SNN: variants seen among roughly 807,000 people sequenced by gnomAD.
The protein encoded by SNN is stannin.
A neutral mutation model predicts 5.3 loss-of-function variants in SNN; 5 were observed. The ratio of observed to expected loss-of-function variants is 0.94; its 90% confidence interval spans 0.49 to 1.97. The LOEUF is 1.97. Among genes scored for constraint, SNN ranks in the 30% most tolerant of loss-of-function variants. The probability of loss-of-function intolerance (pLI) is 0.01; values close to 1 mark genes in which losing one functional copy is unlikely to be tolerated. For missense variants in SNN, 127 were observed against 121.6 expected, an observed-to-expected ratio of 1.04 and a Z score of -0.21; for synonymous variants, 67 against 52.1, an observed-to-expected ratio of 1.29 and a Z score of -1.24.
At chr16:11,675,657 G>A (rs150539810) in intron 1 of SNN, among the ~76,000 whole-genome samples, 1 of 152,310 alleles carries the variant, frequency 6.6e-6, no homozygotes, top group African/African-American at 2.4e-5. Flanking sequence ...AGTTGGGGCT[G>A]GGCTTCCCGA....
chr16:11,675,496 G>T (rs2050295418), intron 1 of SNN, among the ~76,000 whole-genome samples: 1 of 152,024 alleles, frequency 6.6e-6, no homozygotes, highest in Non-Finnish European at 1.5e-5. Context: ...CAAACTCCTG[G>T]GCTCAAGTGA....
At chr16:11,674,415 C>T (rs2050285508) in intron 1 of SNN, among the ~76,000 whole-genome samples, 2 of 152,248 alleles carry the variant, frequency 1.3e-5, no homozygotes, top group Admixed American at 6.5e-5. Context: ...AAGCCCTGGC[C>T]TCAGCATGCT....
At chr16:11,670,234 C>T (rs1386379058) in intron 1 of SNN, among the ~76,000 whole-genome samples, 2 of 151,350 alleles carry the variant, frequency 1.3e-5, no homozygotes, top group Non-Finnish European at 2.9e-5. Flanking sequence ...GGAGGCAGTA[C>T]TGAAAGCCCC....
intron 1 of SNN, among the ~76,000 whole-genome samples, chr16:11,670,752 A>G (rs7189287): frequency 0.57 from 86,879 of 151,598 alleles, 25,540 homozygotes; most frequent in African/African-American, 0.69. Context: ...AGCCTGCTCT[A>G]CTGCGGTCTG....
intron 1 of SNN, among the ~76,000 whole-genome samples, chr16:11,673,864 G>A (rs1455341858): frequency 6.6e-6 from 1 of 152,226 alleles, no homozygotes; most frequent in East Asian, 1.9e-4. Context: ...CCCTGAGGGT[G>A]GGCAGGGAGA....
In SNN at chr16:11,677,139, G is replaced by C. The variant is rs8191333; in HGVS notation, c.*813G>C. ...TTCTTGCCGCTTGGGTCTTCAGCAC[G>C]CCAAGCCCCCCACCAACCCTCCACC... On this transcript the variant is annotated 3_prime_UTR_variant, in exon 2 of 2. Transcript: ENST00000329565. The surrounding 1 kb of genome is among the most constrained non-coding windows in gnomAD (Gnocchi z 4.2). The C allele has an allele frequency of 6.0e-6, 1 of 167,114 alleles. No homozygotes were observed. Among genetic ancestry groups the C allele is most frequent in the Non-Finnish European group, 1.5e-5 (1 of 68,170 alleles). 10.4% of individuals were successfully genotyped at this position (167,114 alleles called of 1,614,324 possible).
rs1193466791 is a variant in SNN, at chr16:11,672,716, A to T, written c.-85-3259A>T. 1.3e-5 allele frequency among the ~76,000 whole-genome samples: 2 copies of T among 152,102 alleles called. No individual in the cohort carries two copies. The highest frequency in any genetic ancestry group is 1.3e-4 in the Admixed American group (2 of 15,282). On this transcript the variant is annotated intron_variant, in intron 1 of 1. Coordinates refer to ENST00000329565, the MANE Select transcript of SNN (RefSeq NM_003498.6). This position sits in a 1 kb window ranked among gnomAD's most constrained non-coding sequence, Gnocchi z 6.0. The stretch of plus-strand genomic sequence containing the variant: ...TGCTCGCGGCGGGGCAGAACCCCAC[A>T]TCTGGCTCTGCCCATGCCTCCTGGC...
At chr16:11,670,348 G>A (rs1207759614) in intron 1 of SNN, among the ~76,000 whole-genome samples, 2 of 152,200 alleles carry the variant, frequency 1.3e-5, no homozygotes. Context: ...CTGGTGGTGA[G>A]CCCGGCAATG....
Position 11,679,069 on chromosome 16 carries a change from G to A in SNN, c.*2743G>A. 5 of 1,024,996 alleles carry A rather than the reference G, an allele frequency of 4.9e-6. No homozygotes were observed. The highest frequency in any genetic ancestry group is 7.0e-6 in the Non-Finnish European group (5 of 710,040). The allele number at this position is 1,024,996 out of a possible 1,614,324, so 63.5% of individuals were successfully genotyped here. A position where few individuals can be genotyped will look rare whatever the true frequency, so the allele number is the denominator to read the frequency against. On this transcript the variant is annotated 3_prime_UTR_variant, in exon 2 of 2. Coordinates refer to ENST00000329565, the MANE Select transcript of SNN (RefSeq NM_003498.6). This position sits in a 1 kb window ranked among gnomAD's most constrained non-coding sequence, Gnocchi z 4.6. The stretch of plus-strand genomic sequence containing the variant: ...CATCCTTCTTCAATAAATGCTGAAT[G>A]ACATTCAAGCTGATTTTCTAGACCA...
Position 11,676,361 on chromosome 16 carries a change from C to A in SNN, c.*35C>A. The A allele has an allele frequency of 6.3e-7, 1 of 1,596,584 alleles. No homozygotes were observed. The highest frequency in any genetic ancestry group is 8.6e-7 in the Non-Finnish European group (1 of 1,168,014). On this transcript the variant is annotated 3_prime_UTR_variant, in exon 2 of 2. Transcript: ENST00000329565. The stretch of plus-strand genomic sequence containing the variant: ...CAAGGCTCCTGGTCCTGTTTGCAGC[C>A]GGCCAAGAGGCGCTGGGAGGGGCAA...
In SNN at chr16:11,676,372, C is replaced by T. The variant is rs756412797; in HGVS notation, c.*46C>T. ...GTCCTGTTTGCAGCCGGCCAAGAGG[C>T]GCTGGGAGGGGCAAAACCATACGGA... On this transcript the variant is annotated 3_prime_UTR_variant, in exon 2 of 2. Transcript: ENST00000329565. 2.5e-6 allele frequency: 4 copies of T among 1,584,476 alleles called. No homozygotes were observed. The highest frequency in any genetic ancestry group is 1.1e-5 in the South Asian group (1 of 88,170).
At position 11,676,682 on chromosome 16, in the gene SNN, G is replaced by A. The variant is rs538234009; in HGVS notation, c.*356G>A. On this transcript the variant is annotated 3_prime_UTR_variant, in exon 2 of 2. Transcript: ENST00000329565. ...ACTGTAAATAGGCCCCTGGAAGCAC[G>A]TGCTTAAGCCCTTTTGCTGATTTTT... The A allele has an allele frequency of 1.5e-5, 4 of 266,596 alleles. No homozygotes were observed. The highest frequency in any genetic ancestry group is 1.7e-4 in the South Asian group (2 of 11,768). The allele number at this position is 266,596 out of a possible 1,614,324, so 16.5% of individuals were successfully genotyped here.
chr16:11,674,397 C>T (rs1357674588), intron 1 of SNN, among the ~76,000 whole-genome samples: 2 of 152,236 alleles, frequency 1.3e-5, no homozygotes, highest in African/African-American at 4.8e-5. Flanking sequence ...TGCGGGGCAG[C>T]AGAGGCAAAG....
rs2050244423 is a variant in SNN at position 11,668,638 on chromosome 16, G to A, written c.-86+98G>A. 6.9e-6 allele frequency: 1 copy of A among 145,756 alleles called. No homozygotes were observed. The highest frequency in any genetic ancestry group is 1.5e-5 in the Non-Finnish European group (1 of 65,200). 9.0% of individuals were successfully genotyped at this position (145,756 alleles called of 1,614,324 possible). On this transcript the variant is annotated intron_variant, in intron 1 of 1. Coordinates refer to ENST00000329565, the MANE Select transcript of SNN (RefSeq NM_003498.6). The surrounding 1 kb of genome is among the most constrained non-coding windows in gnomAD (Gnocchi z 6.8). Reference sequence around the variant, plus strand: ...GCCAGGACGAGGAGGGGCGCGCGCGGCGGCGGGGCCGGGCCGGGGTCTGCG... The same window carrying A: ...GCCAGGACGAGGAGGGGCGCGCGCGACGGCGGGGCCGGGCCGGGGTCTGCG...
In SNN at chr16:11,671,126, C is replaced by T. The variant is rs2050263770; in HGVS notation, c.-86+2586C>T. Among the ~76,000 whole-genome samples the T allele has an allele frequency of 6.6e-6, 1 of 152,184 alleles. No homozygotes were observed. Among genetic ancestry groups the T allele is most frequent in the Admixed American group, 6.5e-5 (1 of 15,286 alleles). On this transcript the variant is annotated intron_variant, in intron 1 of 1. Transcript: ENST00000329565. The surrounding 1 kb of genome is among the most constrained non-coding windows in gnomAD (Gnocchi z 4.7). ...TTATTCCTTGGGACATGTGTGGGCT[C>T]TGCCGGGAGACAGAGTGTGTCCTGT...
chr16:11,676,532 A>C lies in SNN; in HGVS notation c.*206A>C. 1.6e-6 allele frequency: 1 copy of C among 627,916 alleles called. No homozygotes were observed. The highest frequency in any genetic ancestry group is 2.8e-6 in the Non-Finnish European group (1 of 353,170). The allele number at this position is 627,916 out of a possible 1,614,324, so 38.9% of individuals were successfully genotyped here. The stretch of plus-strand genomic sequence containing the variant: ...GCCTCCAGGTGAGGCTGCCCATTGC[A>C]GGCACTGGGCAGGCCTGACCTTGCT... On this transcript the variant is annotated 3_prime_UTR_variant, in exon 2 of 2. Transcript: ENST00000329565.
intron 1 of SNN, among the ~76,000 whole-genome samples, chr16:11,670,330 G>T (rs989226197): frequency 2.3e-4 from 35 of 151,858 alleles, no homozygotes; most frequent in Non-Finnish European, 8.9e-5. Context: ...CAAGGCGGGG[G>T]TGTTTTGCTG....
At position 11,671,859 on chromosome 16, in the gene SNN, C is replaced by T. The variant is rs1004203275; in HGVS notation, c.-86+3319C>T. Among the ~76,000 whole-genome samples, 2 of 152,200 alleles carry T rather than the reference C, an allele frequency of 1.3e-5. No homozygotes were observed. Among genetic ancestry groups the T allele is most frequent in the African/African-American group, 4.8e-5 (2 of 41,454 alleles). ...TCCGCGCTTTGAGTTTCCCGGGGCT[C>T]TGCTTGGCCACCCCCTTCCCTCCCT... On this transcript the variant is annotated intron_variant, in intron 1 of 1. Coordinates refer to ENST00000329565, the MANE Select transcript of SNN (RefSeq NM_003498.6). The surrounding 1 kb of genome is among the most constrained non-coding windows in gnomAD (Gnocchi z 4.7).
At chr16:11,670,722 G>C (rs1489749994) in intron 1 of SNN, among the ~76,000 whole-genome samples, 3 of 152,238 alleles carry the variant, frequency 2.0e-5, no homozygotes, top group Non-Finnish European at 4.4e-5. Context: ...GTGCTGGTCT[G>C]GGAGGATGGA....
Sources: allele counts gnomAD v4.1 joint callset (sites outside exome capture counted in the v4.1 genomes callset), GRCh38; gene constraint gnomAD v4.1.1; non-coding constraint Gnocchi (gnomAD v3.1); transcripts MANE v1.5; gene names NCBI Gene and HGNC (gene_info 2026-07-23, HGNC 2026-07-21).